THSD7B: variants seen among roughly 807,000 people sequenced by gnomAD.
THSD7B encodes thrombospondin type 1 domain containing 7B.
A neutral mutation model predicts 213.6 loss-of-function variants in THSD7B; 138 were observed. The ratio of observed to expected loss-of-function variants is 0.65; its 90% CI spans 0.56 to 0.74. THSD7B has a LOEUF of 0.74. Ranked by LOEUF, THSD7B falls within the 30% of genes least tolerant of loss-of-function variation. THSD7B has a pLI of 0.00. For synonymous variants in THSD7B, 742 were observed against 687.0 expected, an observed-to-expected ratio of 1.08 and a Z score of -1.25; for missense variants, 1,931 against 1,991.5, an observed-to-expected ratio of 0.97 and a Z score of 0.58.
chr2:137,466,072 T>C (rs1237618333), intron 15 of THSD7B, among the ~76,000 whole-genome samples: 1 of 152,156 alleles, frequency 6.6e-6, no homozygotes. Context: ...ATTAAAAGCA[T>C]TGCAAGTATT....
intron 17 of THSD7B, 121 bp from the exon 18 acceptor site, chr2:137,616,054 T>C: frequency 1.0e-6 from 1 of 992,444 alleles, no homozygotes. Context: ...GTAATATGTT[T>C]AACCCTCTAG....
chr2:137,482,341 C>G (rs1336997666), intron 15 of THSD7B, among the ~76,000 whole-genome samples: 1 of 152,110 alleles, frequency 6.6e-6, no homozygotes. Flanking sequence ...TGCATAAATT[C>G]TCATGTTCAA....
chr2:137,663,372 T>C lies in THSD7B; in HGVS notation c.4459-11T>C. 1 of 1,533,858 alleles carries C rather than the reference T, an allele frequency of 6.5e-7. No individual in the cohort carries two copies. The highest frequency in any genetic ancestry group is 8.8e-7 in the Non-Finnish European group (1 of 1,141,600). On this transcript the variant is annotated splice_polypyrimidine_tract_variant and intron_variant, in intron 25 of 27. Transcript: ENST00000409968. ...CACTGTGTAACCATAAAAATATTCTTTATGCTGTAGGGTGGAGTCTGTGGT... is the reference window on the plus strand; with the variant it reads ...CACTGTGTAACCATAAAAATATTCTCTATGCTGTAGGGTGGAGTCTGTGGT...
At chr2:137,563,199 G>T (rs1480847957) in intron 15 of THSD7B, 22 bp from the exon 16 acceptor site, 2 of 1,608,348 alleles carry the variant, frequency 1.2e-6, no homozygotes, top group Non-Finnish European at 1.7e-6. Context: ...ACATAATTTT[G>T]TTTCTTTCCT....
In THSD7B at chr2:136,770,212, T is replaced by C. The variant is rs150095890; in HGVS notation, c.-36+4525T>C. On this transcript the variant is annotated intron_variant, in intron 1 of 27. Transcript: ENST00000409968. ...CTTTGTAGCAATGCATATTTTAATTTTGAGTTCTTTCAGATGGTTATTTTA... is the reference window on the plus strand; with the variant it reads ...CTTTGTAGCAATGCATATTTTAATTCTGAGTTCTTTCAGATGGTTATTTTA... 4.2e-4 allele frequency among the ~76,000 whole-genome samples: 64 copies of C among 152,312 alleles called. 2 individuals carry two copies. In the East Asian group the frequency reaches 0.011, roughly 25 times the overall value.
intron 2 of THSD7B, among the ~76,000 whole-genome samples, chr2:136,939,511 G>C (rs558633190): frequency 6.6e-6 from 1 of 152,204 alleles, no homozygotes; most frequent in Admixed American, 6.5e-5. Flanking sequence ...GATTTTATGG[G>C]AGAATTCCTG....
At chr2:137,086,264 G>C (rs1049133579) in intron 3 of THSD7B, among the ~76,000 whole-genome samples, 2 of 151,996 alleles carry the variant, frequency 1.3e-5, no homozygotes, top group African/African-American at 4.8e-5. Context: ...TTGAACCCAG[G>C]AGGCAGAAGT....
chr2:137,011,288 C>T (rs137948008), intron 2 of THSD7B, among the ~76,000 whole-genome samples: 1 of 152,312 alleles, frequency 6.6e-6, no homozygotes, highest in Admixed American at 6.5e-5. Flanking sequence ...GTTTCCTAAA[C>T]ATCCCCCTCT....
At chr2:136,994,964 G>C (rs754352449) in intron 2 of THSD7B, among the ~76,000 whole-genome samples, 2 of 152,214 alleles carry the variant, frequency 1.3e-5, no homozygotes, top group African/African-American at 4.8e-5. Context: ...TTCAGCTAAA[G>C]CATGTGCTTT....
chr2:137,181,385 A>T (rs549671946), intron 7 of THSD7B, among the ~76,000 whole-genome samples: 1 of 152,330 alleles, frequency 6.6e-6, no homozygotes, highest in Non-Finnish European at 1.5e-5. Flanking sequence ...GGTCTTTATT[A>T]CATCAGAGTT....
chr2:137,062,322 T>C (rs1183076492), intron 3 of THSD7B, among the ~76,000 whole-genome samples: 3 of 151,636 alleles, frequency 2.0e-5, no homozygotes, highest in African/African-American at 7.3e-5. Flanking sequence ...TGATTTTTTT[T>C]CTAATTTCAT....
intron 2 of THSD7B, among the ~76,000 whole-genome samples, chr2:136,920,523 T>C (rs1684418052): frequency 6.6e-6 from 1 of 152,178 alleles, no homozygotes; most frequent in African/African-American, 2.4e-5. Context: ...TGGGTGGCCA[T>C]GGGCAGACCT....
chr2:137,242,491 C>T lies in THSD7B; in HGVS notation c.2185C>T (p.Pro729Ser), dbSNP rs577604304. ...PDSTRPETVRPCFLPCKKDCI... is the reference protein window; with the variant it reads ...PDSTRPETVRSCFLPCKKDCI... The stretch of plus-strand genomic sequence containing the variant: ...TTCTACTCGACCTGAAACTGTGCGC[C>T]CCTGTTTTCTCCCATGCAAAAAAGA... The change falls in exon 10 of 28, where the codon CCC becomes TCC. Residue 729 changes from proline (P) to serine (S), a missense_variant. Pro to Ser is a moderately conservative substitution (Grantham distance 74). Coordinates refer to ENST00000409968, the MANE Select transcript of THSD7B (RefSeq NM_001316349.2). 2 of 1,613,786 alleles carry T rather than the reference C, an allele frequency of 1.2e-6. No homozygotes were observed. The highest frequency in any genetic ancestry group is 2.2e-5 in the South Asian group (2 of 91,064).
At chr2:137,215,573 A>G (rs11890735) in intron 7 of THSD7B, among the ~76,000 whole-genome samples, 90,772 of 151,946 alleles carry the variant, frequency 0.6, 27,527 homozygotes, top group South Asian at 0.71. Flanking sequence ...ACTATAGTAC[A>G]TTTTAAAATG....
chr2:136,839,619 C>T (rs1417437939), intron 1 of THSD7B, among the ~76,000 whole-genome samples: 2 of 152,222 alleles, frequency 1.3e-5, no homozygotes, highest in African/African-American at 4.8e-5. Flanking sequence ...CTAGGAGACA[C>T]TTGACCTGCA....
chr2:137,176,390 ATTT>A (rs1013962548), intron 7 of THSD7B, among the ~76,000 whole-genome samples: 6 of 152,174 alleles, frequency 3.9e-5, no homozygotes, highest in Admixed American at 3.9e-4. Context: ...TATGCTATCA[ATTT>A]TTTATTTGTG....
At chr2:137,319,268 C>A (rs929885524) in intron 12 of THSD7B, among the ~76,000 whole-genome samples, 1 of 142,438 alleles carries the variant, frequency 7.0e-6, no homozygotes, top group African/African-American at 2.6e-5. Flanking sequence ...CTAGGGTTAT[C>A]TCCTTCACCA....
chr2:137,230,229 G>C (rs1488856330), intron 7 of THSD7B, among the ~76,000 whole-genome samples: 1 of 152,070 alleles, frequency 6.6e-6, no homozygotes, highest in Admixed American at 6.6e-5. Context: ...TATCCCTTTA[G>C]TCCTAACATC....
chr2:137,483,849 C>T (rs1688362478), intron 15 of THSD7B, among the ~76,000 whole-genome samples: 2 of 152,052 alleles, frequency 1.3e-5, no homozygotes, highest in African/African-American at 4.8e-5. Flanking sequence ...ACAGAATTTA[C>T]AGTCCGTGTT....
Sources: gnomAD v4.1 joint callset for allele counts (sites outside exome capture counted in the v4.1 genomes callset) on GRCh38, gnomAD v4.1.1 for gene constraint, MANE v1.5 for transcripts, NCBI Gene and HGNC (gene_info 2026-07-23, HGNC 2026-07-21) for gene names.